The following MBNL2 variants were observed in gnomAD, a reference collection of about 807,000 sequenced individuals.
MBNL2 encodes the protein muscleblind-like protein 2.
A neutral mutation model predicts 41.9 loss-of-function variants in MBNL2; 17 were observed. That is an observed-to-expected ratio of 0.41 (90% confidence interval 0.28 to 0.61). MBNL2 has a LOEUF of 0.61. Ranked by LOEUF, MBNL2 falls within the 20% of genes least tolerant of loss-of-function variation. MBNL2 has a pLI of 0.35. For missense variants in MBNL2, 336 were observed against 505.6 expected (o/e 0.66, Z 3.22); for synonymous variants, 195 against 182.9 (o/e 1.07, Z -0.53).
At chr13:97,211,725 T>A in the MBNL2 span, among the ~76,000 whole-genome samples, 1 of 152,192 alleles carries the variant, frequency 6.6e-6, no homozygotes, top group African/African-American at 2.4e-5. Context: ...ACCCATGACA[T>A]GATCCCTTTT....
chr13:97,211,040 C>T, the MBNL2 span, among the ~76,000 whole-genome samples: 4 of 151,996 alleles, frequency 2.6e-5, no homozygotes, highest in East Asian at 7.7e-4. Flanking sequence ...AGGTACATAA[C>T]ATTTGATGCA....
At chr13:97,208,401 T>C in the MBNL2 span, among the ~76,000 whole-genome samples, 22 of 152,356 alleles carry the variant, frequency 1.4e-4, no homozygotes, top group Admixed American at 6.5e-5. Context: ...AACATACCTC[T>C]GATTCCTTTG....
At chr13:97,251,735 AATTT>A (rs1274133631) in intron 1 of MBNL2, among the ~76,000 whole-genome samples, 1 of 152,034 alleles carries the variant, frequency 6.6e-6, no homozygotes, top group African/African-American at 2.4e-5. Context: ...TTTATAAATA[AATTT>A]ATTCTTTATT....
chr13:97,356,712 T>C, intron 5 of MBNL2, 84 bp from the exon 6 acceptor site: 1 of 722,138 alleles, frequency 1.4e-6, no homozygotes, highest in Non-Finnish European at 2.2e-6. Flanking sequence ...ATGATGCACC[T>C]CTGCTTGCTG....
At chr13:97,274,589 A>C (rs748855359) in intron 1 of MBNL2, among the ~76,000 whole-genome samples, 3 of 152,148 alleles carry the variant, frequency 2.0e-5, no homozygotes, top group Non-Finnish European at 4.4e-5. Context: ...TCCAGTCTTC[A>C]TTAAGTTCTT....
intron 2 of MBNL2, among the ~76,000 whole-genome samples, chr13:97,306,680 A>G (rs1387097970): frequency 1.3e-5 from 2 of 152,228 alleles, no homozygotes; most frequent in South Asian, 4.1e-4. Context: ...CAAAGAAGCA[A>G]ATACTTCCAG....
At chr13:97,155,405 T>A in the MBNL2 span, among the ~76,000 whole-genome samples, 4 of 150,708 alleles carry the variant, frequency 2.7e-5, no homozygotes, top group African/African-American at 7.3e-5. Flanking sequence ...TTTTTTTTTT[T>A]ATTATTATAC....
At chr13:97,331,780 T>C (rs1247617110) in intron 2 of MBNL2, among the ~76,000 whole-genome samples, 1 of 152,194 alleles carries the variant, frequency 6.6e-6, no homozygotes, top group Non-Finnish European at 1.5e-5. Context: ...ACTCCAAGTA[T>C]GTAAGTAAGG....
At chr13:97,226,243 C>A (rs1162287180) in intron 1 of MBNL2, among the ~76,000 whole-genome samples, 2 of 152,152 alleles carry the variant, frequency 1.3e-5, no homozygotes, top group Non-Finnish European at 2.9e-5. Context: ...CTTTTGTAAA[C>A]CTGAGCTCTG....
rs1027085311 is a variant in MBNL2, at chr13:97,347,053, G to A, written c.790G>A (p.Ala264Thr). The A allele has an allele frequency of 1.5e-5, 24 of 1,601,956 alleles. No homozygotes were observed. Among genetic ancestry groups the A allele is most frequent in the East Asian group, 2.2e-5 (1 of 44,464 alleles). The change falls in exon 5 of 9, where the codon GCG (alanine) becomes ACG (threonine). Residue 264 changes from alanine to threonine, a missense_variant. Transcript: ENST00000679496. ...GGTGGCCGCCCAGGCAGCCGCGGCC[G>A]CGGCCACAGTCATGGTAAGTGCGGC... The part of the protein sequence containing the change: ...AAVAAQAAAA[A>T]ATVMTQSTAK...
At chr13:97,191,445 G>T in the MBNL2 span, among the ~76,000 whole-genome samples, 250 of 151,476 alleles carry the variant, frequency 1.7e-3, 1 homozygote, top group African/African-American at 6.0e-3. Flanking sequence ...CAAACCATCT[G>T]CCAGCTTGAA....
chr13:97,216,582 C>G (rs146433266), upstream of MBNL2, among the ~76,000 whole-genome samples: 1 of 152,134 alleles, frequency 6.6e-6, no homozygotes, highest in Non-Finnish European at 1.5e-5. Context: ...TTTCTAGGGA[C>G]CAGGCCATCT....
chr13:97,353,873 C>T (rs2062734390), intron 5 of MBNL2, among the ~76,000 whole-genome samples: 1 of 152,144 alleles, frequency 6.6e-6, no homozygotes, highest in South Asian at 2.1e-4. Context: ...TGTACAGGAA[C>T]TTTGATTGGC....
chr13:97,335,685 G>A (rs1009739032), intron 3 of MBNL2, among the ~76,000 whole-genome samples: 14 of 152,172 alleles, frequency 9.2e-5, no homozygotes, highest in African/African-American at 3.4e-4. Context: ...TCAAGCACAG[G>A]AAATGACGAG....
At chr13:97,280,149 G>C (rs140932672) in intron 2 of MBNL2, among the ~76,000 whole-genome samples, 1 of 152,118 alleles carries the variant, frequency 6.6e-6, no homozygotes, top group Non-Finnish European at 1.5e-5. Flanking sequence ...CACATTAACC[G>C]TGTCTCTGAT....
Position 97,272,480 on chromosome 13 carries a change from CT to C in MBNL2, c.-604-3148del, listed in dbSNP as rs1479930633. ...ATTAGATCCCATTTATCAATTTTGG[CT>C]TTTGTTGCAATTGCTTTTGGTCATG... On this transcript the variant is annotated intron_variant, in intron 1 of 8. Transcript: ENST00000679496. 3.9e-5 allele frequency among the ~76,000 whole-genome samples: 6 copies of C among 152,232 alleles called. No homozygotes were observed. In the East Asian group the frequency reaches 1.2e-3, roughly 29 times the overall value.
chr13:97,382,368 T>A (rs894259569), intron 8 of MBNL2, among the ~76,000 whole-genome samples: 1 of 152,244 alleles, frequency 6.6e-6, no homozygotes, highest in Non-Finnish European at 1.5e-5. Flanking sequence ...TGTTGCTATA[T>A]CTTTGGGATT....
chr13:97,290,589 C>T (rs998698357), intron 2 of MBNL2, among the ~76,000 whole-genome samples: 28 of 150,860 alleles, frequency 1.9e-4, no homozygotes, highest in South Asian at 6.3e-4. Flanking sequence ...GGCAGGAGAA[C>T]GGCGTGAACC....
chr13:97,342,038 A>G (rs1190945791), intron 3 of MBNL2, among the ~76,000 whole-genome samples: 10 of 152,356 alleles, frequency 6.6e-5, no homozygotes, highest in Non-Finnish European at 1.3e-4. Flanking sequence ...TTAACAACCA[A>G]CCAAACAAAT....
Sources: allele counts gnomAD v4.1 joint callset (sites outside exome capture counted in the v4.1 genomes callset), GRCh38; gene constraint gnomAD v4.1.1; transcripts MANE v1.5; gene names NCBI Gene and HGNC (gene_info 2026-07-23, HGNC 2026-07-21).